MTHFD2L: variants seen among roughly 807,000 people sequenced by gnomAD.
MTHFD2L encodes bifunctional methylenetetrahydrofolate dehydrogenase/cyclohydrolase 2, mitochondrial.
Under a neutral mutation model 34.9 loss-of-function variants are expected in MTHFD2L, and 29 were observed. The ratio of observed to expected loss-of-function variants is 0.83; its 90% CI spans 0.62 to 1.13. The LOEUF is 1.13. Among genes scored for constraint, MTHFD2L ranks in the 50% most tolerant of loss-of-function variants. The pLI, the probability that MTHFD2L is intolerant of heterozygous loss-of-function variation, is 0.00. For synonymous variants in MTHFD2L, 167 were observed against 155.7 expected (o/e 1.07, Z -0.54); for missense variants, 481 against 446.5 (o/e 1.08, Z -0.70).
upstream of MTHFD2L, among the ~76,000 whole-genome samples, chr4:74,118,881 C>T (rs1721701150): frequency 6.6e-6 from 1 of 152,128 alleles, no homozygotes. Context: ...GAGTGCACAC[C>T]CTATTGTGAA....
At chr4:74,172,676 C>T (rs956521258) in intron 1 of MTHFD2L, among the ~76,000 whole-genome samples, 2 of 152,158 alleles carry the variant, frequency 1.3e-5, no homozygotes, top group African/African-American at 4.8e-5. Context: ...CCCAGGAATT[C>T]TGAATTGTAG....
At chr4:74,210,311 T>G (rs916895142) in intron 5 of MTHFD2L, among the ~76,000 whole-genome samples, 9 of 152,240 alleles carry the variant, frequency 5.9e-5, no homozygotes, top group African/African-American at 1.9e-4. Flanking sequence ...TCTATGGCTT[T>G]TATGGTTTTA....
Position 74,302,235 on chromosome 4 carries a change from C to G in MTHFD2L, c.*426C>G, listed in dbSNP as rs1288369765. 1 of 152,318 alleles carries G rather than the reference C, an allele frequency of 6.6e-6. No individual in the cohort carries two copies. The highest frequency in any genetic ancestry group is 2.4e-5 in the African/African-American group (1 of 41,388). 9.4% of individuals were successfully genotyped at this position (152,318 alleles called of 1,614,324 possible). On this transcript the variant is annotated 3_prime_UTR_variant, in exon 8 of 8. Transcript: ENST00000325278. ...TAACATTTTTAATGTATTTTATGAT[C>G]TATGTCATATATTAAAAAAGAGCTT... is the stretch of plus-strand genomic sequence containing the variant.
chr4:74,143,861 A>T (rs1723428134), intron 1 of MTHFD2L, among the ~76,000 whole-genome samples: 1 of 152,186 alleles, frequency 6.6e-6, no homozygotes, highest in Non-Finnish European at 1.5e-5. Flanking sequence ...AAGGAGAAAC[A>T]TTTATATGAA....
intron 6 of MTHFD2L, among the ~76,000 whole-genome samples, chr4:74,247,680 T>C (rs1742682714): frequency 6.6e-6 from 1 of 152,230 alleles, no homozygotes; most frequent in South Asian, 2.1e-4. Context: ...TTGAGAGTTT[T>C]TAGCATGAAG....
At chr4:74,250,570 T>C (rs930017972) in intron 6 of MTHFD2L, among the ~76,000 whole-genome samples, 3 of 152,208 alleles carry the variant, frequency 2.0e-5, no homozygotes, top group Non-Finnish European at 4.4e-5. Context: ...ATATTGGAAA[T>C]ATTTTTCTAT....
rs1007261045 is a variant in MTHFD2L, at chr4:74,158,149, C to G, written c.11C>G (p.Pro4Arg). Residue 4 changes from proline to arginine, a missense_variant, in exon 1 of 8, where the codon CCG becomes CGG. By Grantham distance (103) the Pro-to-Arg change is moderately radical (BLOSUM62 -2). Coordinates refer to ENST00000325278, the MANE Select transcript of MTHFD2L (RefSeq NM_001144978.3). The stretch of plus-strand genomic sequence containing the variant: ...CGGGGATCCGCGGCCATGACGGTGC[C>G]GGTCCGCGGCTTCTCGCTGCTCCGC... MTVPVRGFSLLRGR... is the reference protein window; with the variant it reads MTVRVRGFSLLRGR... 63 of 1,530,144 alleles carry G rather than the reference C, an allele frequency of 4.1e-5. No homozygotes were observed. The Middle Eastern group carries it at 8.8e-4, about 21-fold the overall frequency. 94.8% of individuals were successfully genotyped at this position (1,530,144 alleles called of 1,614,324 possible). A position where few individuals can be genotyped will look rare whatever the true frequency, so the allele number is the denominator to read the frequency against.
chr4:74,259,972 T>A (rs1744479712), intron 6 of MTHFD2L, among the ~76,000 whole-genome samples: 2 of 152,104 alleles, frequency 1.3e-5, no homozygotes, highest in South Asian at 4.1e-4. Context: ...CAGGGAAAGA[T>A]AAAGCCACCT....
At position 74,174,520 on chromosome 4, in the gene MTHFD2L, T is replaced by A; in HGVS notation, c.158T>A (p.Ile53Asn). The A allele has an allele frequency of 1.3e-6, 2 of 1,555,854 alleles. No homozygotes were observed. The highest frequency in any genetic ancestry group is 1.7e-6 in the Non-Finnish European group (2 of 1,154,248). The change falls in exon 2 of 8, where the codon ATT (isoleucine) becomes AAT (asparagine). Residue 53 changes from isoleucine (I) to asparagine (N), a missense_variant. Coordinates refer to ENST00000325278, the MANE Select transcript of MTHFD2L (RefSeq NM_001144978.3). The stretch of plus-strand genomic sequence containing the variant: ...GCTTTCCACAGACATGAAGCCATTA[T>A]TATATCAGGAACCGAAATGGCCAAG... The part of the protein sequence containing the change: ...RSSGVRHEAI[I>N]ISGTEMAKHI...
At chr4:74,142,339 G>A (rs566233855) in intron 1 of MTHFD2L, among the ~76,000 whole-genome samples, 1 of 152,228 alleles carries the variant, frequency 6.6e-6, no homozygotes, top group South Asian at 2.1e-4. Context: ...GGGGCCTTTG[G>A]GAGGTAATTA....
chr4:74,172,643 G>C (rs1254135641), intron 1 of MTHFD2L, among the ~76,000 whole-genome samples: 2 of 152,226 alleles, frequency 1.3e-5, no homozygotes, highest in African/African-American at 2.4e-5. Context: ...TAGACATGCA[G>C]ATTTCCAGGT....
At chr4:74,155,802 C>T (rs1356641582), upstream of MTHFD2L, among the ~76,000 whole-genome samples, 1 of 151,466 alleles carries the variant, frequency 6.6e-6, no homozygotes, top group Admixed American at 6.6e-5. Context: ...AGAATATTTC[C>T]TTACCACAAA....
At chr4:74,174,913 G>A (rs562618383) in intron 2 of MTHFD2L, among the ~76,000 whole-genome samples, 1 of 152,202 alleles carries the variant, frequency 6.6e-6, no homozygotes, top group East Asian at 1.9e-4. Context: ...GGCAAGATAT[G>A]CAAAGGATAG....
At chr4:74,234,433 T>G (rs1347733586) in intron 6 of MTHFD2L, among the ~76,000 whole-genome samples, 2 of 152,114 alleles carry the variant, frequency 1.3e-5, no homozygotes, top group Non-Finnish European at 2.9e-5. Flanking sequence ...TGCTAATAGA[T>G]GTAGCACTAT....
chr4:74,174,172 T>G (rs1159669590), intron 1 of MTHFD2L, among the ~76,000 whole-genome samples: 1 of 152,150 alleles, frequency 6.6e-6, no homozygotes, highest in Non-Finnish European at 1.5e-5. Flanking sequence ...TTATGAGGGC[T>G]CTATCCTCAT....
chr4:74,302,886 T>C lies in MTHFD2L; in HGVS notation c.*1077T>C, dbSNP rs932299990. The C allele has an allele frequency of 6.6e-6, 1 of 152,140 alleles. No homozygotes were observed. The highest frequency in any genetic ancestry group is 2.4e-5 in the African/African-American group (1 of 41,438). 9.4% of individuals were successfully genotyped at this position (152,140 alleles called of 1,614,324 possible). On this transcript the variant is annotated 3_prime_UTR_variant, in exon 8 of 8. Coordinates refer to ENST00000325278, the MANE Select transcript of MTHFD2L (RefSeq NM_001144978.3). Reference sequence around the variant, plus strand: ...AACACAATTTAAATTAGGAAATATATATGAATGTCGTTGAAGTCTATTTTG... The same window carrying C: ...AACACAATTTAAATTAGGAAATATACATGAATGTCGTTGAAGTCTATTTTG...
intron 1 of MTHFD2L, among the ~76,000 whole-genome samples, chr4:74,137,044 G>A (rs1722982886): frequency 6.6e-6 from 1 of 152,142 alleles, no homozygotes; most frequent in Non-Finnish European, 1.5e-5. Flanking sequence ...AAATACTTCA[G>A]GACAATGATC....
intron 3 of MTHFD2L, chr4:74,193,951 C>T (rs1733030727): frequency 6.6e-6 from 1 of 152,076 alleles, no homozygotes; most frequent in African/African-American, 2.4e-5. Flanking sequence ...AAAGCATTAA[C>T]TAGAAATTGT....
chr4:74,190,499 C>T lies in MTHFD2L; in HGVS notation c.452-9295C>T, dbSNP rs544252036. ...CAGAAGGGTGGAGAACCAGACCCAC[C>T]TTTTTCCGGCCTAGAGAACTCCTTC... On this transcript the variant is annotated intron_variant, in intron 3 of 7. Transcript: ENST00000325278. The T allele has an allele frequency of 1.2e-3, 1,151 of 985,340 alleles. 34 individuals carry two copies. In the South Asian group the frequency reaches 0.047, roughly 40 times the overall value. 61.0% of individuals were successfully genotyped at this position (985,340 alleles called of 1,614,324 possible). A position where few individuals can be genotyped will look rare whatever the true frequency, so the allele number is the denominator to read the frequency against.
Sources: allele counts gnomAD v4.1 joint callset (sites outside exome capture counted in the v4.1 genomes callset), GRCh38; gene constraint gnomAD v4.1.1; transcripts MANE v1.5; gene names NCBI Gene and HGNC (gene_info 2026-07-23, HGNC 2026-07-21).